The following STK32B variants were observed in gnomAD, a reference collection of about 807,000 sequenced individuals.
The protein encoded by STK32B is serine/threonine kinase 32B.
Under a neutral mutation model 52.6 loss-of-function variants are expected in STK32B, and 43 were observed. The ratio of observed to expected loss-of-function variants is 0.82; its 90% CI spans 0.64 to 1.05. The LOEUF is 1.05. STK32B is among the 50% of genes least tolerant of loss of function. The pLI, the probability that STK32B is intolerant of heterozygous loss-of-function variation, is 0.00. For missense variants in STK32B, 621 were observed against 534.6 expected, an observed-to-expected ratio of 1.16 and a Z score of -1.59; for synonymous variants, 238 against 204.3, an observed-to-expected ratio of 1.17 and a Z score of -1.41.
chr4:5,473,514 T>C (rs1718005290), intron 11 of STK32B, among the ~76,000 whole-genome samples: 1 of 152,092 alleles, frequency 6.6e-6, no homozygotes, highest in Non-Finnish European at 1.5e-5. Context: ...CCAGAGTGGA[T>C]TAAGGGCACA....
intron 9 of STK32B, among the ~76,000 whole-genome samples, chr4:5,466,277 C>T (rs906386890): frequency 1.3e-5 from 2 of 152,168 alleles, no homozygotes; most frequent in Admixed American, 1.3e-4. Context: ...AGCAGGGAAC[C>T]AGGGCAGGAA....
chr4:5,145,255 C>T (rs984948990), intron 2 of STK32B, among the ~76,000 whole-genome samples: 19 of 152,222 alleles, frequency 1.2e-4, no homozygotes, highest in African/African-American at 3.9e-4. Context: ...TCTACCCACA[C>T]ATCAATCCAT....
chr4:5,222,128 C>A (rs1015750750), intron 3 of STK32B, among the ~76,000 whole-genome samples: 3 of 152,188 alleles, frequency 2.0e-5, no homozygotes, highest in African/African-American at 7.2e-5. Context: ...ATGCCTTGGT[C>A]TTGGACTTCA....
intron 4 of STK32B, among the ~76,000 whole-genome samples, chr4:5,351,539 AT>A (rs1245011012): frequency 6.6e-6 from 1 of 152,048 alleles, no homozygotes; most frequent in Non-Finnish European, 1.5e-5. Flanking sequence ...TAAACAAATG[AT>A]TTACCTCAAG....
intron 1 of STK32B, among the ~76,000 whole-genome samples, chr4:5,133,752 C>G (rs1202789777): frequency 1.3e-5 from 2 of 152,260 alleles, no homozygotes; most frequent in Admixed American, 1.3e-4. Flanking sequence ...AGGTTGAAGG[C>G]CCATGGCTGG....
intron 1 of STK32B, among the ~76,000 whole-genome samples, chr4:5,063,348 C>CT (rs1049065795): frequency 3.8e-4 from 58 of 151,418 alleles, no homozygotes; most frequent in East Asian, 9.7e-4. Context: ...GATTATCTTT[C>CT]TTTTTTTTTG....
At chr4:5,108,499 T>C (rs571767315) in intron 1 of STK32B, among the ~76,000 whole-genome samples, 3 of 152,314 alleles carry the variant, frequency 2.0e-5, no homozygotes, top group African/African-American at 7.2e-5. Flanking sequence ...CGTTGGGAAA[T>C]ATTCCCCTTT....
intron 5 of STK32B, among the ~76,000 whole-genome samples, chr4:5,404,214 C>T (rs962048825): frequency 8.5e-5 from 13 of 152,092 alleles, no homozygotes; most frequent in African/African-American, 2.9e-4. Context: ...GCTGGAAGTT[C>T]AGGATCACGG....
intron 1 of STK32B, among the ~76,000 whole-genome samples, chr4:5,089,538 A>C (rs774657142): frequency 2.0e-5 from 3 of 152,126 alleles, no homozygotes; most frequent in Non-Finnish European, 4.4e-5. Flanking sequence ...ATGTCTGCCT[A>C]GTATTTCATG....
chr4:5,118,679 C>T (rs1210817713), intron 1 of STK32B, among the ~76,000 whole-genome samples: 1 of 152,204 alleles, frequency 6.6e-6, no homozygotes, highest in Non-Finnish European at 1.5e-5. Context: ...AGTTGTCCTA[C>T]TTATTTGCTC....
rs111555214 is a variant in STK32B, at chr4:5,100,000, TA to T, written c.53-39891del. Reference sequence around the variant, plus strand: ...AAAGTTTATGTTTAATTCAGTTCTTTAAAAAAAAAAAAAACACTGAATAGGT... The same window carrying T: ...AAAGTTTATGTTTAATTCAGTTCTTTAAAAAAAAAAAAACACTGAATAGGT... On this transcript the variant is annotated intron_variant, in intron 1 of 11. Transcript: ENST00000282908. Among the ~76,000 whole-genome samples, 642 of 139,326 alleles carry T rather than the reference TA, an allele frequency of 4.6e-3. 2 individuals carry two copies. Among genetic ancestry groups the T allele is most frequent in the South Asian group, 9.2e-3 (40 of 4,350 alleles). The allele number at this position is 139,326 out of a possible 152,430, so 91.4% of individuals were successfully genotyped here. A position where few individuals can be genotyped will look rare whatever the true frequency, so the allele number is the denominator to read the frequency against.
intron 3 of STK32B, among the ~76,000 whole-genome samples, chr4:5,301,802 C>T (rs1729577596): frequency 6.9e-6 from 1 of 145,586 alleles, no homozygotes; most frequent in South Asian, 2.1e-4. Context: ...ATAGAAAATG[C>T]TCTAATCTTT....
intron 3 of STK32B, among the ~76,000 whole-genome samples, chr4:5,308,903 A>G (rs1020047974): frequency 2.6e-5 from 4 of 152,108 alleles, no homozygotes; most frequent in Non-Finnish European, 5.9e-5. Flanking sequence ...AGACAGAACA[A>G]TTATGCAAGA....
intron 3 of STK32B, among the ~76,000 whole-genome samples, chr4:5,263,127 C>T (rs776187762): frequency 6.6e-6 from 1 of 152,042 alleles, no homozygotes; most frequent in Admixed American, 6.6e-5. Flanking sequence ...CACCCAACAC[C>T]GGGAGGGACT....
At chr4:5,030,222 C>T in the STK32B span, among the ~76,000 whole-genome samples, 2 of 152,158 alleles carry the variant, frequency 1.3e-5, no homozygotes, top group Non-Finnish European at 2.9e-5. Context: ...CACTATTATT[C>T]GAGGTTATTC....
chr4:5,455,083 T>C (rs946731275), intron 7 of STK32B, among the ~76,000 whole-genome samples: 5 of 152,192 alleles, frequency 3.3e-5, no homozygotes, highest in Non-Finnish European at 4.4e-5. Context: ...AAAAGCTCCC[T>C]TCTGGGTGTG....
chr4:5,371,008 A>T (rs1253681050), intron 4 of STK32B, among the ~76,000 whole-genome samples: 1 of 147,566 alleles, frequency 6.8e-6, no homozygotes, highest in African/African-American at 2.5e-5. Context: ...ATATATATAT[A>T]TATGTATATA....
At chr4:5,221,963 G>A (rs1489884774) in intron 3 of STK32B, among the ~76,000 whole-genome samples, 1 of 152,036 alleles carries the variant, frequency 6.6e-6, no homozygotes, top group Admixed American at 6.6e-5. Context: ...TAGGATTAAG[G>A]CCCTTATAAA....
chr4:5,323,540 G>T (rs1731664649), intron 3 of STK32B, among the ~76,000 whole-genome samples: 1 of 152,192 alleles, frequency 6.6e-6, no homozygotes, highest in Admixed American at 6.5e-5. Flanking sequence ...GAAGAGGCCA[G>T]AGAAAAAGGA....
Sources: gnomAD v4.1 joint callset for allele counts (sites outside exome capture counted in the v4.1 genomes callset) on GRCh38, gnomAD v4.1.1 for gene constraint, MANE v1.5 for transcripts, NCBI Gene and HGNC (gene_info 2026-07-23, HGNC 2026-07-21) for gene names.